Variants in ZGRF1 observed in about 807,000 individuals in gnomAD.
ZGRF1 encodes the protein 5'-3' DNA helicase ZGRF1.
In ZGRF1, 196 loss-of-function variants were observed where a neutral mutation model predicts 203.5. That is an observed-to-expected ratio of 0.96 (90% CI 0.86 to 1.08). The LOEUF (loss-of-function observed/expected upper bound fraction) is 1.08, where lower values mean the gene tolerates loss of function less well. Ranked by LOEUF, ZGRF1 falls within the 50% of genes least tolerant of loss-of-function variation. The pLI is 0.00. For missense variants in ZGRF1, 2,326 were observed against 2,416.3 expected (o/e 0.96, Z 0.78); for synonymous variants, 809 against 841.3 (o/e 0.96, Z 0.66).
intron 3 of ZGRF1, among the ~76,000 whole-genome samples, chr4:112,624,457 A>G (rs1267633776): frequency 2.6e-5 from 4 of 151,972 alleles, no homozygotes; most frequent in Non-Finnish European, 5.9e-5. Context: ...ACTCCATCTC[A>G]ATTAAAAAAA....
At chr4:112,569,534 G>A (rs1743826629) in intron 16 of ZGRF1, among the ~76,000 whole-genome samples, 2 of 152,044 alleles carry the variant, frequency 1.3e-5, no homozygotes, top group South Asian at 2.1e-4. Context: ...GGGGCAGGGC[G>A]GGCAAGAGTA....
chr4:112,554,009 C>A, intron 21 of ZGRF1, 27 bp from the exon 22 acceptor site: 1 of 1,566,762 alleles, frequency 6.4e-7, no homozygotes, highest in East Asian at 2.2e-5. Flanking sequence ...AAACACTCCT[C>A]TTTATTCCAT....
At chr4:112,598,069 T>A (rs887485597) in intron 10 of ZGRF1, among the ~76,000 whole-genome samples, 2 of 139,452 alleles carry the variant, frequency 1.4e-5, no homozygotes, top group Non-Finnish European at 3.1e-5. Flanking sequence ...AAAGATGTAC[T>A]CCAGCATAAC....
rs752753348 is a variant in ZGRF1, at chr4:112,585,740, AAAAG to A, written c.3917-19_3917-16del. On this transcript the variant is annotated splice_polypyrimidine_tract_variant and intron_variant, in intron 13 of 27. Coordinates refer to ENST00000505019, the MANE Select transcript of ZGRF1 (RefSeq NM_018392.5). ...ATTTAGATGTTCTACAAAAAAAAAA[AAAAG>A]AGAGCAGAAAATTAAATACAAAATA... The A allele has an allele frequency of 5.9e-6, 9 of 1,536,320 alleles. No individual in the cohort carries two copies. The highest frequency in any genetic ancestry group is 2.3e-5 in the East Asian group (1 of 43,920).
At chr4:112,610,784 C>T (rs1751460961) in intron 7 of ZGRF1, 1 of 155,764 alleles carries the variant, frequency 6.4e-6, no homozygotes, top group African/African-American at 2.4e-5. Context: ...AAACAGAGAA[C>T]TATTTGTCCA....
chr4:112,553,739 G>C (rs1740397445), intron 22 of ZGRF1, 96 bp downstream of exon 22: 3 of 1,107,984 alleles, frequency 2.7e-6, no homozygotes, highest in Non-Finnish European at 3.8e-6. Context: ...ATAGCAGTTT[G>C]TTTTATTTAA....
chr4:112,595,718 C>T (rs1483652790), intron 10 of ZGRF1, among the ~76,000 whole-genome samples: 2 of 152,060 alleles, frequency 1.3e-5, no homozygotes, highest in Non-Finnish European at 1.5e-5. Flanking sequence ...TTCAAAACAA[C>T]GTAAGTATAC....
At chr4:112,627,812 G>A (rs974285903) in intron 3 of ZGRF1, among the ~76,000 whole-genome samples, 6 of 152,080 alleles carry the variant, frequency 3.9e-5, no homozygotes, top group Non-Finnish European at 5.9e-5. Flanking sequence ...TTAGCTCCTG[G>A]GGCTGAGCAT....
chr4:112,610,444 G>A (rs1033200748), intron 7 of ZGRF1, among the ~76,000 whole-genome samples: 4 of 150,890 alleles, frequency 2.7e-5, no homozygotes, highest in African/African-American at 7.3e-5. Context: ...GGTGGCGTGA[G>A]CCTGTGGTCC....
In ZGRF1 at chr4:112,618,092, C is replaced by A; in HGVS notation, c.1950G>T (p.Trp650Cys). 1.2e-6 allele frequency: 2 copies of A among 1,613,898 alleles called. No individual in the cohort carries two copies. The highest frequency in any genetic ancestry group is 1.7e-4 in the Middle Eastern group (1 of 6,058). ...DTLSNFESFK[W>C]TDAVYGDNKE... Reference sequence around the variant, plus strand: ...TATTATCTCCGTATACAGCATCAGTCCACTTGAAAGATTCAAAATTGCTTA... The same window carrying A: ...TATTATCTCCGTATACAGCATCAGTACACTTGAAAGATTCAAAATTGCTTA... Residue 650 changes from tryptophan (W) to cysteine (C), a missense_variant, in exon 6 of 28, where the codon TGG becomes TGT. Coordinates refer to ENST00000505019, the MANE Select transcript of ZGRF1 (RefSeq NM_018392.5).
At chr4:112,582,703 A>G (rs951144751) in intron 15 of ZGRF1, among the ~76,000 whole-genome samples, 2 of 152,064 alleles carry the variant, frequency 1.3e-5, no homozygotes, top group Non-Finnish European at 2.9e-5. Context: ...CAAGTGATTC[A>G]CCCACCTTAG....
At chr4:112,563,840 C>G (rs1379340912) in intron 16 of ZGRF1, among the ~76,000 whole-genome samples, 2 of 152,194 alleles carry the variant, frequency 1.3e-5, no homozygotes, top group Non-Finnish European at 2.9e-5. Flanking sequence ...AGTGAAGGCT[C>G]ATTCTCACTT....
intron 24 of ZGRF1, among the ~76,000 whole-genome samples, chr4:112,541,682 T>A (rs1446513448): frequency 6.6e-6 from 1 of 151,816 alleles, no homozygotes; most frequent in Non-Finnish European, 1.5e-5. Flanking sequence ...GCACCCACCA[T>A]CATGCATGGC....
rs779452732 is a variant in ZGRF1 at position 112,586,450 on chromosome 4, A to T, written c.3911T>A (p.Leu1304His). The change falls in exon 13 of 28, where the codon CTC becomes CAC. Residue 1304 changes from leucine (L) to histidine (H), a missense_variant. Transcript: ENST00000505019. ...AHYKQTFTSC[L>H]IEHLNILLFG... Reference sequence around the variant, plus strand: ...TAAAAACACAACAGCCATACCTATGAGGCAAGATGTGAAAGTCTGCTTATA... The same window carrying T: ...TAAAAACACAACAGCCATACCTATGTGGCAAGATGTGAAAGTCTGCTTATA... 6.2e-7 allele frequency: 1 copy of T among 1,607,726 alleles called. No individual in the cohort carries two copies. The highest frequency in any genetic ancestry group is 8.5e-7 in the Non-Finnish European group (1 of 1,176,518).
At chr4:112,605,599 A>G in intron 9 of ZGRF1, 1 of 161,098 alleles carries the variant, frequency 6.2e-6, no homozygotes, top group Non-Finnish European at 1.3e-5. Flanking sequence ...TAGAATAGGT[A>G]GCACTACTTA....
rs147811848 is a variant in ZGRF1 at position 112,627,836 on chromosome 4, T to G, written c.103-3960A>C. Among the ~76,000 whole-genome samples the G allele has an allele frequency of 5.3e-3, 813 of 152,378 alleles. 11 individuals are homozygous for G. The highest frequency in any genetic ancestry group is 0.018 in the African/African-American group (763 of 41,594). On this transcript the variant is annotated intron_variant, in intron 3 of 27. Transcript: ENST00000505019. ...GGGGCTGAGCATACAAAATTCTTCA[T>G]GATATTGTTCCTGTCTACCACTTTA...
At chr4:112,588,925 T>C (rs2149032435) in intron 11 of ZGRF1, among the ~76,000 whole-genome samples, 1 of 152,306 alleles carries the variant, frequency 6.6e-6, no homozygotes, top group East Asian at 1.9e-4. Context: ...GTGAAAATCA[T>C]CTACTGTTCA....
At chr4:112,599,752 G>T (rs1455537397) in intron 10 of ZGRF1, among the ~76,000 whole-genome samples, 1 of 151,926 alleles carries the variant, frequency 6.6e-6, no homozygotes, top group African/African-American at 2.4e-5. Flanking sequence ...GAAAACACAT[G>T]CTTTGTGACT....
In ZGRF1 at chr4:112,550,370, TATGAA is replaced by T. The variant is rs544930665; in HGVS notation, c.5347-1995_5347-1991del. ...AAGAAAAATTTTAAATAAAAAAGCT[TATGAA>T]ATATTTTTGTATATACAAAATGTTT... On this transcript the variant is annotated intron_variant, in intron 22 of 27. Coordinates refer to ENST00000505019, the MANE Select transcript of ZGRF1 (RefSeq NM_018392.5). 3.6e-3 allele frequency among the ~76,000 whole-genome samples: 550 copies of T among 152,098 alleles called. 1 individual carries two copies. Among genetic ancestry groups the T allele is most frequent in the African/African-American group, 0.012 (508 of 41,526 alleles).
Sources: gnomAD v4.1 joint callset for allele counts (sites outside exome capture counted in the v4.1 genomes callset) on GRCh38, gnomAD v4.1.1 for gene constraint, MANE v1.5 for transcripts, NCBI Gene and HGNC (gene_info 2026-07-23, HGNC 2026-07-21) for gene names.